ZMIZ1: variants seen among roughly 807,000 people sequenced by gnomAD.
ZMIZ1 encodes the protein zinc finger MIZ-type containing 1.
A neutral mutation model predicts 113.9 loss-of-function variants in ZMIZ1; 17 were observed. The observed-to-expected ratio is 0.15, with a 90% CI of 0.10 to 0.22. The LOEUF is 0.22. Among genes scored for constraint, ZMIZ1 ranks in the 10% least tolerant of loss-of-function variants. ZMIZ1 has a pLI of 1.00. For synonymous variants in ZMIZ1, 607 were observed against 603.1 expected (o/e 1.01, Z -0.09); for missense variants, 1,059 against 1,477.8 (o/e 0.72, Z 4.65).
chr10:79,188,051 C>T (rs1847422319), intron 4 of ZMIZ1, among the ~76,000 whole-genome samples: 1 of 152,220 alleles, frequency 6.6e-6, no homozygotes, highest in African/African-American at 2.4e-5. Context: ...ATTCTACCTT[C>T]GGCTATATTG....
At chr10:79,156,066 C>A (rs1845893210) in intron 3 of ZMIZ1, among the ~76,000 whole-genome samples, 1 of 151,630 alleles carries the variant, frequency 6.6e-6, no homozygotes, top group African/African-American at 2.4e-5. Context: ...CCCGTCCCCA[C>A]CCCTCCCACC....
intron 22 of ZMIZ1, among the ~76,000 whole-genome samples, chr10:79,306,727 CT>C (rs1854725794): frequency 6.6e-6 from 1 of 152,242 alleles, no homozygotes; most frequent in South Asian, 2.1e-4. Context: ...CCCACTGGCC[CT>C]TACGCTCCCG....
At chr10:79,291,684 G>C (rs551434828) in intron 10 of ZMIZ1, among the ~76,000 whole-genome samples, 7 of 152,298 alleles carry the variant, frequency 4.6e-5, no homozygotes, top group African/African-American at 1.7e-4. Flanking sequence ...GGTGTGAGGC[G>C]AGCAGAGGTG....
intron 4 of ZMIZ1, among the ~76,000 whole-genome samples, chr10:79,191,214 G>A (rs1325287269): frequency 6.6e-6 from 1 of 152,150 alleles, no homozygotes; most frequent in Non-Finnish European, 1.5e-5. Flanking sequence ...CATTAATCCT[G>A]CCCCTATTTG....
intron 7 of ZMIZ1, among the ~76,000 whole-genome samples, chr10:79,231,688 C>G (rs1013748623): frequency 1.3e-5 from 2 of 152,166 alleles, no homozygotes; most frequent in Non-Finnish European, 2.9e-5. Context: ...AAGTAATTCT[C>G]CTATCTCCGC....
chr10:79,170,024 A>G (rs1846534737), intron 4 of ZMIZ1, among the ~76,000 whole-genome samples: 1 of 152,200 alleles, frequency 6.6e-6, no homozygotes, highest in Non-Finnish European at 1.5e-5. Context: ...AGATGGAGAC[A>G]CAGTGCTTCC....
chr10:79,230,675 TGGG>T (rs1194464254), intron 7 of ZMIZ1, among the ~76,000 whole-genome samples: 2 of 152,172 alleles, frequency 1.3e-5, no homozygotes, highest in African/African-American at 4.8e-5. Context: ...TTGAGCTCCC[TGGG>T]GAAGCCGGGA....
At chr10:79,292,585 G>C (rs1853567659) in intron 11 of ZMIZ1, among the ~76,000 whole-genome samples, 1 of 152,150 alleles carries the variant, frequency 6.6e-6, no homozygotes, top group South Asian at 2.1e-4. Context: ...GGGGTGTATG[G>C]GTGCTGGTGT....
intron 3 of ZMIZ1, among the ~76,000 whole-genome samples, chr10:79,147,280 A>G (rs1383919565): frequency 1.3e-5 from 2 of 152,192 alleles, no homozygotes; most frequent in African/African-American, 4.8e-5. Context: ...ATCTGTCAAG[A>G]AAAGGCACAG....
chr10:79,122,214 A>G lies in ZMIZ1; in HGVS notation c.-227+3190A>G, dbSNP rs753874734. On this transcript the variant is annotated intron_variant, in intron 2 of 24. Transcript: ENST00000334512. ...TGGGCAAGTCCTCCTCATCTCCATA[A>G]GCCTCATCTGCCAATGAGCGATGGT... 9.9e-5 allele frequency among the ~76,000 whole-genome samples: 15 copies of G among 152,152 alleles called. No homozygotes were observed. In the South Asian group the frequency reaches 1.0e-3, roughly 11 times the overall value.
At chr10:79,076,868 C>T (rs1439953366) in intron 1 of ZMIZ1, among the ~76,000 whole-genome samples, 11 of 152,058 alleles carry the variant, frequency 7.2e-5, no homozygotes, top group Admixed American at 7.2e-4. Flanking sequence ...AAACAGAAAC[C>T]ATCTAGGGAG....
chr10:79,203,252 G>A (rs1262684004), intron 5 of ZMIZ1, among the ~76,000 whole-genome samples: 1 of 152,170 alleles, frequency 6.6e-6, no homozygotes, highest in African/African-American at 2.4e-5. Flanking sequence ...GAGAACGAGG[G>A]TTGTGTGTCT....
At chr10:79,083,958 C>T (rs543997343) in intron 1 of ZMIZ1, among the ~76,000 whole-genome samples, 60 of 152,218 alleles carry the variant, frequency 3.9e-4, no homozygotes, top group African/African-American at 1.3e-3. Context: ...TTCCTGATAC[C>T]CTTGTCTACC....
rs1188991041 is a variant in ZMIZ1 at position 79,314,012 on chromosome 10, G to A, written c.*1263G>A. Reference sequence around the variant, plus strand: ...AGTATGTACCTGCAGGCATGGGGGGGAGGGGGGCGTGTTTCTGGGCCTGCC... The same window carrying A: ...AGTATGTACCTGCAGGCATGGGGGGAAGGGGGGCGTGTTTCTGGGCCTGCC... On this transcript the variant is annotated 3_prime_UTR_variant, in exon 25 of 25. Transcript: ENST00000334512. The A allele has an allele frequency of 4.4e-6, 2 of 456,196 alleles. No individual in the cohort carries two copies. Among genetic ancestry groups the A allele is most frequent in the Middle Eastern group, 3.7e-4 (1 of 2,720 alleles). The allele number at this position is 456,196 out of a possible 1,614,324, so 28.3% of individuals were successfully genotyped here.
rs573119251 is a variant in ZMIZ1 at position 79,201,750 on chromosome 10, C to G, written c.60+58C>G. 8.0e-5 allele frequency: 128 copies of G among 1,591,376 alleles called. No individual in the cohort carries two copies. The African/African-American group carries it at 1.5e-3, about 19-fold the overall frequency. The stretch of plus-strand genomic sequence containing the variant: ...GGGCAGATGGGGCGGGCTGCAGCAG[C>G]AGGGCATCTGGTGGGTTCTGGCTGG... On this transcript the variant is annotated intron_variant, in intron 5 of 24. Transcript: ENST00000334512.
rs1853658163 is a variant in ZMIZ1 at position 79,293,501 on chromosome 10, A to T, written c.1078A>T (p.Met360Leu). ...GGCGGCTGGCATGACGCCCTCGGGG[A>T]TGAGCGGCCCTCCCATGGGCATGAA... ...SMAAGMTPSG[M>L]SGPPMGMNQP... is the part of the protein sequence containing the mutation. Residue 360 changes from methionine to leucine, a missense_variant, in exon 12 of 25, where the codon ATG becomes TTG. Physicochemically the swap from Met to Leu is conservative, Grantham distance 15. Around this residue, in one of 6 missense-constraint regions of ZMIZ1, gnomAD observed 83 missense variants for 103.7 expected, o/e 0.80. Transcript: ENST00000334512. 1 of 1,593,830 alleles carries T rather than the reference A, an allele frequency of 6.3e-7. No homozygotes were observed. The highest frequency in any genetic ancestry group is 8.6e-7 in the Non-Finnish European group (1 of 1,167,176).
chr10:79,261,041 C>T (rs1851229007), intron 7 of ZMIZ1, among the ~76,000 whole-genome samples: 1 of 152,206 alleles, frequency 6.6e-6, no homozygotes, highest in African/African-American at 2.4e-5. Flanking sequence ...CAGAGAGAGA[C>T]TGTATCCCTG....
intron 7 of ZMIZ1, among the ~76,000 whole-genome samples, chr10:79,270,403 C>T (rs992357759): frequency 5.9e-5 from 9 of 152,318 alleles, no homozygotes; most frequent in Non-Finnish European, 1.2e-4. Flanking sequence ...GTGCTGCCTT[C>T]GCCATAGCAT....
At chr10:79,297,953 C>T (rs1270829715) in intron 14 of ZMIZ1, among the ~76,000 whole-genome samples, 1 of 152,154 alleles carries the variant, frequency 6.6e-6, no homozygotes, top group African/African-American at 2.4e-5. Context: ...ACCTGGGCCC[C>T]AGATTCTGCA....
Sources: gnomAD v4.1 joint callset for allele counts (sites outside exome capture counted in the v4.1 genomes callset) on GRCh38, gnomAD v4.1.1 for gene constraint, gnomAD v4.1.1 regional missense constraint, MANE v1.5 for transcripts, NCBI Gene and HGNC (gene_info 2026-07-23, HGNC 2026-07-21) for gene names.